Variants in XDH observed in about 807,000 individuals in gnomAD.
XDH encodes xanthine dehydrogenase/oxidase.
Under a neutral mutation model 156.1 loss-of-function variants are expected in XDH, and 138 were observed. That is an observed-to-expected ratio of 0.88 (90% confidence interval 0.77 to 1.02). The LOEUF (loss-of-function observed/expected upper bound fraction) is 1.02, where lower values mean the gene tolerates loss of function less well. XDH is among the 50% of genes least tolerant of loss of function. The pLI is 0.00. For missense variants in XDH, 1,849 were observed against 1,684.9 expected, an observed-to-expected ratio of 1.10 and a Z score of -1.71; for synonymous variants, 669 against 625.7, an observed-to-expected ratio of 1.07 and a Z score of -1.03.
rs566780105 is a variant in XDH at position 31,353,215 on chromosome 2, C to T, written c.2632-2992G>A. Among the ~76,000 whole-genome samples the T allele has an allele frequency of 3.0e-4, 45 of 152,294 alleles. 1 individual carries two copies. Among genetic ancestry groups the T allele is most frequent in the Admixed American group, 2.8e-3 (43 of 15,294 alleles). ...AATATTCCAAGTTCATCTCCCAAAG[C>T]TGTGACCACAATAATGAGGAGTACG... On this transcript the variant is annotated intron_variant, in intron 24 of 35. Coordinates refer to ENST00000379416, the MANE Select transcript of XDH (RefSeq NM_000379.4).
At position 31,334,337 on chromosome 2, in the gene XDH, T is replaced by C. The variant is rs1408736659; in HGVS notation, c.*1621A>G. 2 of 152,160 alleles carry C rather than the reference T, an allele frequency of 1.3e-5. No homozygotes were observed. The highest frequency in any genetic ancestry group is 2.9e-5 in the Non-Finnish European group (2 of 68,036). 9.4% of individuals were successfully genotyped at this position (152,160 alleles called of 1,614,324 possible). ...ACACGCCAACCAGCTGACAGTTTCA[T>C]TTATTAGTGACATCAAGCACCAGTC... is the stretch of plus-strand genomic sequence containing the variant. On this transcript the variant is annotated 3_prime_UTR_variant, in exon 36 of 36. Transcript: ENST00000379416.
Position 31,339,626 on chromosome 2 carries a change from G to T in XDH, c.3637C>A (p.His1213Asn). The T allele has an allele frequency of 6.2e-7, 1 of 1,614,126 alleles. No homozygotes were observed. Among genetic ancestry groups the T allele is most frequent in the Non-Finnish European group, 8.5e-7 (1 of 1,179,984 alleles). Reference protein sequence around the residue: ...GLGLFTLEELHYSPEGSLHTR... With the variant: ...GLGLFTLEELNYSPEGSLHTR... ...TGCAGGCTCCCCTCGGGGGAATAGT[G>T]TAGCTCCTCTAGGGTGAAGAGGCCA... Residue 1213 changes from histidine to asparagine, a missense_variant, in exon 34 of 36, where the codon CAC (histidine) becomes AAC (asparagine). His to Asn is a moderately conservative substitution (Grantham distance 68). Coordinates refer to ENST00000379416, the MANE Select transcript of XDH (RefSeq NM_000379.4).
At chr2:31,338,924 C>T (rs970138180) in intron 34 of XDH, among the ~76,000 whole-genome samples, 1 of 151,610 alleles carries the variant, frequency 6.6e-6, no homozygotes, top group African/African-American at 2.4e-5. Context: ...GGGGTTTTGC[C>T]ATGTTGCCCA....
rs1684940946 is a variant in XDH, at chr2:31,335,142, A to G, written c.*816T>C. 6.6e-6 allele frequency: 1 copy of G among 152,220 alleles called. No homozygotes were observed. The highest frequency in any genetic ancestry group is 2.4e-5 in the African/African-American group (1 of 41,454). 9.4% of individuals were successfully genotyped at this position (152,220 alleles called of 1,614,324 possible). ...TGCCTTAGCCTCCCAAAGTGCTGGG[A>G]TTATAGGGGTGAGCCACCATGCCAG... On this transcript the variant is annotated 3_prime_UTR_variant, in exon 36 of 36. Transcript: ENST00000379416.
At chr2:31,401,576 C>T (rs548382775) in intron 3 of XDH, among the ~76,000 whole-genome samples, 1 of 152,312 alleles carries the variant, frequency 6.6e-6, no homozygotes, top group South Asian at 2.1e-4. Context: ...TCAGAGCATC[C>T]TCAGCCTCTG....
chr2:31,402,466 T>C (rs1370759329), intron 3 of XDH, among the ~76,000 whole-genome samples: 1 of 152,174 alleles, frequency 6.6e-6, no homozygotes, highest in African/African-American at 2.4e-5. Context: ...CAGGGCACTA[T>C]GGGACCAGCA....
chr2:31,367,198 C>A (rs1303860391), intron 20 of XDH, among the ~76,000 whole-genome samples: 2 of 152,222 alleles, frequency 1.3e-5, no homozygotes, highest in Non-Finnish European at 2.9e-5. Flanking sequence ...CTCATCCCCA[C>A]CCCCACAACA....
intron 24 of XDH, among the ~76,000 whole-genome samples, 157 bp downstream of exon 24, chr2:31,364,001 T>A (rs1484216851): frequency 6.6e-6 from 1 of 152,142 alleles, no homozygotes; most frequent in South Asian, 2.1e-4. Context: ...CATTGTGCTA[T>A]AGAGATTAAT....
At chr2:31,384,380 T>C (rs929227650) in intron 9 of XDH, 2 of 156,506 alleles carry the variant, frequency 1.3e-5, no homozygotes, top group African/African-American at 4.8e-5. Flanking sequence ...TGTTGGGGTA[T>C]AATCGTAATA....
chr2:31,366,069 A>T lies in XDH; in HGVS notation c.2363T>A (p.Ile788Asn). The T allele has an allele frequency of 1.2e-6, 2 of 1,614,038 alleles. No homozygotes were observed. The highest frequency in any genetic ancestry group is 1.7e-6 in the Non-Finnish European group (2 of 1,179,994). ...TCCCATTCTCTTCACTCGAACCACAATCCGGTTTGCTGGAACCCCCAACAT... is the reference window on the plus strand; with the variant it reads ...TCCCATTCTCTTCACTCGAACCACATTCCGGTTTGCTGGAACCCCCAACAT... ...AKMLGVPANR[I>N]VVRVKRMGGG... Residue 788 changes from isoleucine to asparagine, a missense_variant, in exon 22 of 36, where the codon ATT becomes AAT. Ile to Asn is a moderately radical substitution (Grantham distance 149). Transcript: ENST00000379416.
At position 31,368,000 on chromosome 2, in the gene XDH, G is replaced by A. The variant is rs1685967369; in HGVS notation, c.2158C>T (p.Leu720=). 2 of 1,613,924 alleles carry A rather than the reference G, an allele frequency of 1.2e-6. No homozygotes were observed. The highest frequency in any genetic ancestry group is 1.7e-5 in the Admixed American group (1 of 59,986). ...GPELKIEKGD[L]KKGFSEADNV... ...TCTGCTTCGGAAAACCCCTTCTTTA[G>A]GTCCCCTTTCTCGATCTTCAGCTCA... is the stretch of plus-strand genomic sequence containing the variant. Residue 720 remains leucine (L), a synonymous_variant, in exon 20 of 36, where the codon CTA becomes TTA. Coordinates refer to ENST00000379416, the MANE Select transcript of XDH (RefSeq NM_000379.4).
chr2:31,348,362 G>T lies in XDH; in HGVS notation c.3053C>A (p.Ala1018Glu). Reference sequence around the variant, plus strand: ...TGTGTACACATGAAGTAGGGCTCCTGCCTAGGGAAAGAGAAGGATGCCAGA... The same window carrying T: ...TGTGTACACATGAAGTAGGGCTCCTTCCTAGGGAAAGAGAAGGATGCCAGA... The part of the protein sequence containing the change: ...ISFTVPFLNQ[A>E]GALLHVYTDG... The change falls in exon 28 of 36, where the codon GCA (alanine) becomes GAA (glutamate). Residue 1018 changes from alanine to glutamate, a missense_variant and splice_region_variant. Transcript: ENST00000379416. 1 of 1,614,076 alleles carries T rather than the reference G, an allele frequency of 6.2e-7. No individual in the cohort carries two copies. The highest frequency in any genetic ancestry group is 8.5e-7 in the Non-Finnish European group (1 of 1,179,952).
Position 31,347,530 on chromosome 2 carries a change from C to A in XDH, c.3268G>T (p.Ala1090Ser). ...TCCCATGGGCTCCTTACATAGACGGCCTGTCCATTGAGGTCAGCGCTGACA... is the reference window on the plus strand; with the variant it reads ...TCCCATGGGCTCCTTACATAGACGGACTGTCCATTGAGGTCAGCGCTGACA... ...ASVSADLNGQ[A>S]VYAACQTILK... is the part of the protein sequence containing the mutation. The change falls in exon 29 of 36, where the codon GCC becomes TCC. Residue 1090 changes from alanine (A) to serine (S), a missense_variant. Physicochemically the swap from Ala to Ser is moderately conservative, Grantham distance 99. Transcript: ENST00000379416. The A allele has an allele frequency of 6.2e-7, 1 of 1,613,926 alleles. No individual in the cohort carries two copies. Among genetic ancestry groups the A allele is most frequent in the South Asian group, 1.1e-5 (1 of 91,072 alleles).
chr2:31,380,902 A>G (rs2148779819), intron 12 of XDH, among the ~76,000 whole-genome samples: 1 of 152,370 alleles, frequency 6.6e-6, no homozygotes, highest in East Asian at 1.9e-4. Context: ...CACTGATAAC[A>G]GCAAAATGAA....
At chr2:31,370,803 C>A (rs1686051056) in intron 17 of XDH, among the ~76,000 whole-genome samples, 1 of 152,100 alleles carries the variant, frequency 6.6e-6, no homozygotes, top group Admixed American at 6.5e-5. Flanking sequence ...AGTTTAAGAC[C>A]AGCCTGGGCA....
chr2:31,403,061 G>A lies in XDH; in HGVS notation c.184C>T (p.Gln62Ter), dbSNP rs1275764166. The change falls in exon 3 of 36, where the codon CAG (glutamine) becomes TAG (stop). Residue 62 changes from glutamine to a stop codon, truncating the protein, a stop_gained. Coordinates refer to ENST00000379416, the MANE Select transcript of XDH (RefSeq NM_000379.4). LOFTEE classifies it high-confidence loss of function. ...GGCAAAGGATACACGATCTTGTTCT[G>A]CAGACGATCATACTTGGAGAGCATC... ...TVMLSKYDRL[Q>*]NKIVHFSANA... 1 of 1,614,082 alleles carries A rather than the reference G, an allele frequency of 6.2e-7. No homozygotes were observed. The highest frequency in any genetic ancestry group is 1.3e-5 in the African/African-American group (1 of 75,018).
chr2:31,376,225 G>A (rs1346120210), intron 14 of XDH, among the ~76,000 whole-genome samples: 1 of 151,166 alleles, frequency 6.6e-6, no homozygotes, highest in South Asian at 2.1e-4. Context: ...AATAATAGTT[G>A]CAGTAGTGGT....
At position 31,366,034 on chromosome 2, in the gene XDH, C is replaced by T. The variant is rs1685906362; in HGVS notation, c.2398G>A (p.Gly800Arg). 1.2e-6 allele frequency: 2 copies of T among 1,614,096 alleles called. No homozygotes were observed. Among genetic ancestry groups the T allele is most frequent in the African/African-American group, 2.7e-5 (2 of 74,936 alleles). ...ACAGTGCTCCGGGTCTCCTTGCCTC[C>T]AAAGCCTCCTCCCATTCTCTTCACT... ...VRVKRMGGGF[G>R]GKETRSTVVS... is the part of the protein sequence containing the mutation. Residue 800 changes from glycine (G) to arginine (R), a missense_variant, in exon 22 of 36, where the codon GGA (glycine) becomes AGA (arginine). Transcript: ENST00000379416.
rs778513905 is a variant in XDH at position 31,375,460 on chromosome 2, G to A, written c.1522C>T (p.Arg508Trp). 19 of 1,614,052 alleles carry A rather than the reference G, an allele frequency of 1.2e-5. No individual in the cohort carries two copies. The highest frequency in any genetic ancestry group is 6.7e-5 in the Admixed American group (4 of 60,008). ...AAGAAGCTGAGGGTGAGGGTGCACCGGAAGTCCACCATGCCACCAGGGGCA... is the reference window on the plus strand; with the variant it reads ...AAGAAGCTGAGGGTGAGGGTGCACCAGAAGTCCACCATGCCACCAGGGGCA... ...PDAPGGMVDF[R>W]CTLTLSFFFK... The change falls in exon 15 of 36, where the codon CGG (arginine) becomes TGG (tryptophan). Residue 508 changes from arginine (R) to tryptophan (W), a missense_variant. Physicochemically the swap from Arg to Trp is moderately radical, Grantham distance 101. Transcript: ENST00000379416.
Sources: gnomAD v4.1 joint callset for allele counts (sites outside exome capture counted in the v4.1 genomes callset) on GRCh38, gnomAD v4.1.1 for gene constraint, MANE v1.5 for transcripts, NCBI Gene and HGNC (gene_info 2026-07-23, HGNC 2026-07-21) for gene names.